NOC4L: variants seen among roughly 807,000 people sequenced by gnomAD.
The protein encoded by NOC4L is nucleolar complex protein 4 homolog.
A neutral mutation model predicts 62.8 loss-of-function variants in NOC4L; 40 were observed. The observed-to-expected ratio is 0.64, with a 90% CI of 0.49 to 0.83. The LOEUF is 0.83. Among genes scored for constraint, NOC4L ranks in the 40% least tolerant of loss-of-function variants. The probability of loss-of-function intolerance (pLI) is 0.00; values close to 1 mark genes in which losing one functional copy is unlikely to be tolerated. For missense variants in NOC4L, 927 were observed against 701.9 expected, an observed-to-expected ratio of 1.32 and a Z score of -3.62; for synonymous variants, 433 against 299.8, an observed-to-expected ratio of 1.44 and a Z score of -4.59.
In NOC4L at chr12:132,146,331, C is replaced by T. The variant is rs184945096; in HGVS notation, c.345+666C>T. ...TTCTCTTTGTGGCTGAGTAGCAGCGCGTCGTATAGCACAGCACGTATCGTT... is the reference window on the plus strand; with the variant it reads ...TTCTCTTTGTGGCTGAGTAGCAGCGTGTCGTATAGCACAGCACGTATCGTT... On this transcript the variant is annotated intron_variant, in intron 3 of 14. Coordinates refer to ENST00000330579, the MANE Select transcript of NOC4L (RefSeq NM_024078.3). The T allele has an allele frequency of 3.2e-4, 146 of 456,000 alleles. 1 individual carries two copies. The highest frequency in any genetic ancestry group is 1.0e-4 in the African/African-American group (5 of 50,162). The allele number at this position is 456,000 out of a possible 1,614,324, so 28.2% of individuals were successfully genotyped here.
intron 8 of NOC4L, 55 bp downstream of exon 8, chr12:132,148,714 G>GGA: frequency 6.7e-7 from 1 of 1,498,452 alleles, no homozygotes; most frequent in Non-Finnish European, 9.0e-7. Context: ...CCCCCAGGGC[G>GGA]GAGGCCTCAC....
chr12:132,148,714 G>T, intron 8 of NOC4L, 55 bp downstream of exon 8: 1 of 1,498,452 alleles, frequency 6.7e-7, no homozygotes, highest in East Asian at 2.5e-5. Flanking sequence ...CCCCCAGGGC[G>T]GAGGCCTCAC....
Position 132,147,891 on chromosome 12 carries a change from C to G in NOC4L, c.615C>G (p.Ala205=). 8.1e-6 allele frequency: 13 copies of G among 1,608,898 alleles called. No individual in the cohort carries two copies. The highest frequency in any genetic ancestry group is 1.0e-5 in the Non-Finnish European group (12 of 1,178,894). ...VTGQHPEVPP[A]FWNNAFTLLS... is the part of the protein sequence containing the mutation. Reference sequence around the variant, plus strand: ...GCCAGGCTCCGCAGGTGCCCCCCGCCTTTTGGAACAATGCCTTCACGCTGC... The same window carrying G: ...GCCAGGCTCCGCAGGTGCCCCCCGCGTTTTGGAACAATGCCTTCACGCTGC... The change falls in exon 6 of 15, where the codon GCC becomes GCG. Residue 205 remains alanine, a synonymous_variant. Transcript: ENST00000330579.
chr12:132,146,027 G>C (rs2136686252), intron 3 of NOC4L, among the ~76,000 whole-genome samples: 1 of 152,346 alleles, frequency 6.6e-6, no homozygotes, highest in South Asian at 2.1e-4. Flanking sequence ...AGGAATAACT[G>C]AGGCACAGTT....
Position 132,151,287 on chromosome 12 carries a change from A to G in NOC4L, c.992A>G (p.Tyr331Cys), listed in dbSNP as rs781472670. 54 of 1,611,794 alleles carry G rather than the reference A, an allele frequency of 3.4e-5. No homozygotes were observed. Among genetic ancestry groups the G allele is most frequent in the South Asian group, 1.3e-4 (12 of 91,092 alleles). ...TACCCTGACTTCTACCGGAAGCTCT[A>G]CGGCCTCTTGGACCCCTCTGTCTTT... ...LEYPDFYRKL[Y>C]GLLDPSVFHV... The change falls in exon 11 of 15, where the codon TAC (tyrosine) becomes TGC (cysteine). Residue 331 changes from tyrosine to cysteine, a missense_variant. By Grantham distance (194) the Tyr-to-Cys change is radical (BLOSUM62 -2). Coordinates refer to ENST00000330579, the MANE Select transcript of NOC4L (RefSeq NM_024078.3).
intron 4 of NOC4L, 38 bp from the exon 5 acceptor site, chr12:132,147,595 T>A: frequency 6.2e-7 from 1 of 1,605,668 alleles, no homozygotes; most frequent in Non-Finnish European, 8.5e-7. Flanking sequence ...TGGCGTATGC[T>A]GGGCCGGGCA....
chr12:132,151,034 C>G lies in NOC4L; in HGVS notation c.955C>G (p.His319Asp). Residue 319 changes from histidine (H) to aspartate (D), a missense_variant, in exon 10 of 15, where the codon CAC becomes GAC. His to Asp is a moderately conservative substitution (Grantham distance 81). Coordinates refer to ENST00000330579, the MANE Select transcript of NOC4L (RefSeq NM_024078.3). ...LNGLFILIHK[H>D]NLEYPDFYRK... ...CGGGCTGTTCATCTTGATTCACAAA[C>G]ACAACCTGTGAGTGTCACCAGGGGT... is the stretch of plus-strand genomic sequence containing the variant. 1.9e-6 allele frequency: 3 copies of G among 1,610,912 alleles called. No individual in the cohort carries two copies. Among genetic ancestry groups the G allele is most frequent in the Non-Finnish European group, 2.5e-6 (3 of 1,178,848 alleles).
intron 3 of NOC4L, 103 bp downstream of exon 3, chr12:132,145,768 G>A: frequency 1.3e-6 from 1 of 759,028 alleles, no homozygotes; most frequent in Non-Finnish European, 2.2e-6. Context: ...TCCAGGCAAA[G>A]CTGCTTCCTT....
chr12:132,148,118 C>T lies in NOC4L; in HGVS notation c.738+12C>T, dbSNP rs200075545. ...TTGCTCACCTGAAGGTGAGTTGCTT[C>T]TGGAGAGCCGGGCACCCTCCCGGGT... On this transcript the variant is annotated intron_variant, in intron 7 of 14. Coordinates refer to ENST00000330579, the MANE Select transcript of NOC4L (RefSeq NM_024078.3). 4.3e-5 allele frequency: 70 copies of T among 1,613,000 alleles called. No individual in the cohort carries two copies. The highest frequency in any genetic ancestry group is 1.3e-5 in the African/African-American group (1 of 74,916).
intron 7 of NOC4L, among the ~76,000 whole-genome samples, 167 bp from the exon 8 acceptor site, chr12:132,148,442 G>A (rs934952625): frequency 5.3e-5 from 8 of 152,218 alleles, no homozygotes; most frequent in African/African-American, 1.7e-4. Flanking sequence ...AGCCTCGAGG[G>A]CAAGGCGTAC....
chr12:132,147,401 C>G lies in NOC4L; in HGVS notation c.453+13C>G, dbSNP rs538545927. The G allele has an allele frequency of 6.5e-7, 1 of 1,539,358 alleles. No individual in the cohort carries two copies. The highest frequency in any genetic ancestry group is 8.8e-7 in the Non-Finnish European group (1 of 1,129,952). On this transcript the variant is annotated intron_variant, in intron 4 of 14. Transcript: ENST00000330579. ...AGAGCTCTTCAAGGTGAGGGCCTTG[C>G]TGGGGACTCCCAGAGGGCCTGGCTG...
At chr12:132,152,052 G>A (rs2136697915) in intron 13 of NOC4L, 32 bp from the exon 14 acceptor site, 4 of 1,562,604 alleles carry the variant, frequency 2.6e-6, no homozygotes, top group African/African-American at 1.4e-5. Context: ...GGGGCCTGGG[G>A]CAGCTGCCTC....
chr12:132,145,535 C>T, intron 2 of NOC4L, 24 bp from the exon 3 acceptor site: 1 of 1,557,374 alleles, frequency 6.4e-7, no homozygotes, highest in Non-Finnish European at 8.8e-7. Context: ...CTCACGTGGG[C>T]TGACCACCCT....
intron 3 of NOC4L, chr12:132,146,090 C>G: frequency 2.6e-6 from 1 of 381,892 alleles, no homozygotes; most frequent in Non-Finnish European, 5.3e-6. Flanking sequence ...GCAGTGGTTG[C>G]CGCTATCCCA....
rs1331263817 is a variant in NOC4L at position 132,144,983 on chromosome 12, T to G, written c.238+9T>G. Reference sequence around the variant, plus strand: ...GGAGATGGTCATGACAGGTGAGCCCTGGAGGGCCCCGGGGCTGCTCTTCTC... The same window carrying G: ...GGAGATGGTCATGACAGGTGAGCCCGGGAGGGCCCCGGGGCTGCTCTTCTC... On this transcript the variant is annotated intron_variant, in intron 2 of 14. Coordinates refer to ENST00000330579, the MANE Select transcript of NOC4L (RefSeq NM_024078.3). The G allele has an allele frequency of 8.8e-6, 14 of 1,592,178 alleles. No homozygotes were observed. Among genetic ancestry groups the G allele is most frequent in the African/African-American group, 2.7e-5 (2 of 74,716 alleles).
chr12:132,146,450 G>C, intron 3 of NOC4L: 1 of 432,020 alleles, frequency 2.3e-6, no homozygotes. Flanking sequence ...ACTCTTGTGT[G>C]ATGTTTCTTT....
rs752496309 is a variant in NOC4L, at chr12:132,151,242, TCCCC to T, written c.963-13_963-10del. The T allele has an allele frequency of 1.3e-6, 2 of 1,598,426 alleles. No homozygotes were observed. The highest frequency in any genetic ancestry group is 1.7e-6 in the Non-Finnish European group (2 of 1,168,882). Reference sequence around the variant, plus strand: ...GGGCCCTGCTCCATCCGCTGCTCCTTCCCCCCGGCCCGCAGGGAGTACCCTGACT... The same window carrying T: ...GGGCCCTGCTCCATCCGCTGCTCCTTCCGGCCCGCAGGGAGTACCCTGACT... On this transcript the variant is annotated splice_polypyrimidine_tract_variant and intron_variant, in intron 10 of 14. Transcript: ENST00000330579.
At chr12:132,152,219 C>G (rs377143710) in intron 14 of NOC4L, 22 bp downstream of exon 14, 6 of 1,607,508 alleles carry the variant, frequency 3.7e-6, no homozygotes, top group Non-Finnish European at 4.2e-6. Flanking sequence ...GGCCAGGGTG[C>G]GAGGGTCTGG....
intron 3 of NOC4L, among the ~76,000 whole-genome samples, chr12:132,146,648 A>C (rs181917713): frequency 6.6e-6 from 1 of 152,308 alleles, no homozygotes; most frequent in Admixed American, 6.5e-5. Flanking sequence ...CGAGCTGCAG[A>C]CTTTTAAATG....
Sources: allele counts gnomAD v4.1 joint callset (sites outside exome capture counted in the v4.1 genomes callset), GRCh38; gene constraint gnomAD v4.1.1; transcripts MANE v1.5; gene names NCBI Gene and HGNC (gene_info 2026-07-23, HGNC 2026-07-21).